The following GPC5 variants were observed in gnomAD, a reference collection of about 807,000 sequenced individuals.
The protein encoded by GPC5 is glypican-5.
GPC5 carries 47 observed loss-of-function variants against 53.9 expected under a neutral mutation model. That is an observed-to-expected ratio of 0.87 (90% CI 0.69 to 1.11). The LOEUF is 1.11. Among genes scored for constraint, GPC5 ranks in the 50% most tolerant of loss-of-function variants. GPC5 has a pLI of 0.00. For synonymous variants in GPC5, 286 were observed against 263.3 expected (o/e 1.09, Z -0.84); for missense variants, 748 against 713.1 (o/e 1.05, Z -0.56).
intron 6 of GPC5, among the ~76,000 whole-genome samples, chr13:92,090,467 CAG>C (rs1418727325): frequency 1.3e-5 from 2 of 152,072 alleles, no homozygotes; most frequent in Admixed American, 1.3e-4. Flanking sequence ...ATGTGGGGCA[CAG>C]GGAAGAGATG....
chr13:92,184,271 A>T (rs927650045), intron 7 of GPC5, among the ~76,000 whole-genome samples: 2 of 152,218 alleles, frequency 1.3e-5, no homozygotes, highest in African/African-American at 4.8e-5. Context: ...AAATTTGAAT[A>T]TCAAACTGCT....
chr13:92,720,288 A>G (rs1236984801), intron 7 of GPC5, among the ~76,000 whole-genome samples: 1 of 152,190 alleles, frequency 6.6e-6, no homozygotes, highest in Non-Finnish European at 1.5e-5. Context: ...TGTATCATCC[A>G]TATAGGCAGA....
intron 7 of GPC5, among the ~76,000 whole-genome samples, chr13:92,186,206 T>A (rs963504902): frequency 7.9e-5 from 12 of 151,948 alleles, no homozygotes; most frequent in South Asian, 2.1e-4. Flanking sequence ...TTTATAGATA[T>A]ATAATTTTTA....
At chr13:92,043,901 GTTGAATCTTATAGGGTACATATGCAAT>G (rs2040960965) in intron 6 of GPC5, among the ~76,000 whole-genome samples, 1 of 152,164 alleles carries the variant, frequency 6.6e-6, no homozygotes, top group Non-Finnish European at 1.5e-5. Context: ...GCAGATGACT[GTTGAATCTTATAGGGTACATATGCAAT>G]TTGAATCCGA....
At chr13:91,553,034 A>G (rs546907794) in intron 2 of GPC5, among the ~76,000 whole-genome samples, 50 of 152,286 alleles carry the variant, frequency 3.3e-4, no homozygotes, top group Admixed American at 2.6e-3. Context: ...AACATAAAAT[A>G]ATAGTGAATA....
chr13:92,583,798 G>A (rs954801083), intron 7 of GPC5, among the ~76,000 whole-genome samples: 202 of 152,302 alleles, frequency 1.3e-3, no homozygotes, highest in African/African-American at 4.6e-3. Context: ...GTTGTGGGAG[G>A]GACCTCGTGG....
At chr13:92,599,403 G>T (rs1451265255) in intron 7 of GPC5, among the ~76,000 whole-genome samples, 3 of 151,922 alleles carry the variant, frequency 2.0e-5, no homozygotes, top group African/African-American at 7.3e-5. Flanking sequence ...GGAGGGAAAT[G>T]GTGTTCTAAA....
chr13:91,560,763 A>G (rs1274738326), intron 2 of GPC5, among the ~76,000 whole-genome samples: 1 of 146,278 alleles, frequency 6.8e-6, no homozygotes, highest in Non-Finnish European at 1.5e-5. Context: ...GATTTTTTTT[A>G]GGAAAAAAAA....
chr13:91,770,293 T>C (rs2037598489), intron 5 of GPC5, among the ~76,000 whole-genome samples: 1 of 152,116 alleles, frequency 6.6e-6, no homozygotes, highest in African/African-American at 2.4e-5. Flanking sequence ...ACACCCTACT[T>C]TTGGGATTTA....
chr13:92,032,705 A>G (rs767227498), intron 6 of GPC5, among the ~76,000 whole-genome samples: 1 of 152,126 alleles, frequency 6.6e-6, no homozygotes, highest in African/African-American at 2.4e-5. Context: ...TTGTACCACT[A>G]TAAATTCAAT....
chr13:92,722,190 G>A (rs1170426812), intron 7 of GPC5, among the ~76,000 whole-genome samples: 1 of 151,854 alleles, frequency 6.6e-6, no homozygotes, highest in African/African-American at 2.4e-5. Flanking sequence ...CAAACAACTT[G>A]TCCTAAAAGG....
At chr13:92,327,183 A>G (rs764546544) in intron 7 of GPC5, among the ~76,000 whole-genome samples, 1 of 152,154 alleles carries the variant, frequency 6.6e-6, no homozygotes, top group Non-Finnish European at 1.5e-5. Flanking sequence ...CCTTCTTCAA[A>G]TCATTATCTT....
intron 7 of GPC5, among the ~76,000 whole-genome samples, chr13:92,160,186 A>G (rs2139004771): frequency 6.6e-6 from 1 of 152,324 alleles, no homozygotes; most frequent in Non-Finnish European, 1.5e-5. Flanking sequence ...CTGGGATTAT[A>G]GGCATGAAAG....
intron 5 of GPC5, among the ~76,000 whole-genome samples, chr13:91,803,515 C>T (rs2038168628): frequency 1.3e-5 from 2 of 151,942 alleles, no homozygotes; most frequent in African/African-American, 4.8e-5. Flanking sequence ...TTATTTCTTA[C>T]CATAAATTTC....
intron 5 of GPC5, among the ~76,000 whole-genome samples, chr13:91,800,690 G>A (rs2038120243): frequency 6.6e-6 from 1 of 152,104 alleles, no homozygotes; most frequent in African/African-American, 2.4e-5. Context: ...TTTAAAAGCA[G>A]ATTGTGCAAT....
intron 7 of GPC5, among the ~76,000 whole-genome samples, chr13:92,309,125 A>G (rs771453593): frequency 2.0e-5 from 3 of 152,104 alleles, no homozygotes; most frequent in Non-Finnish European, 2.9e-5. Flanking sequence ...GTGAATATAG[A>G]CCCTATTGTG....
intron 6 of GPC5, among the ~76,000 whole-genome samples, chr13:92,116,922 T>C (rs1386637569): frequency 1.3e-5 from 2 of 152,246 alleles, no homozygotes; most frequent in Non-Finnish European, 2.9e-5. Flanking sequence ...TTGGGAATAT[T>C]ACATATTCGG....
intron 7 of GPC5, among the ~76,000 whole-genome samples, chr13:92,627,716 A>G (rs1259745728): frequency 1.3e-5 from 2 of 152,212 alleles, no homozygotes; most frequent in Non-Finnish European, 2.9e-5. Flanking sequence ...AAATCCAAGG[A>G]GCAGTTGCTA....
At chr13:92,703,541 A>C (rs1171524332) in intron 7 of GPC5, among the ~76,000 whole-genome samples, 1 of 150,210 alleles carries the variant, frequency 6.7e-6, no homozygotes, top group Non-Finnish European at 1.5e-5. Flanking sequence ...TTACCTGATA[A>C]AATTTTTCAG....
Sources: allele counts gnomAD v4.1 joint callset (sites outside exome capture counted in the v4.1 genomes callset), GRCh38; gene constraint gnomAD v4.1.1; transcripts MANE v1.5; gene names NCBI Gene and HGNC (gene_info 2026-07-23, HGNC 2026-07-21).